Variants in MXD1 observed in about 807,000 individuals in gnomAD.
MXD1 encodes MAX dimerization protein 1, also known as MAX-binding protein.
Under a neutral mutation model 25.7 loss-of-function variants are expected in MXD1, and 9 were observed. The observed-to-expected ratio is 0.35, with a 90% CI of 0.21 to 0.61. The LOEUF (loss-of-function observed/expected upper bound fraction) is 0.61. Ranked by LOEUF, MXD1 falls within the 20% of genes least tolerant of loss-of-function variation. The pLI is 0.75. For synonymous variants in MXD1, 99 were observed against 113.9 expected, an observed-to-expected ratio of 0.87 and a Z score of 0.83; for missense variants, 227 against 292.4, an observed-to-expected ratio of 0.78 and a Z score of 1.63.
chr2:69,932,996 C>T (rs1446711080), intron 3 of MXD1, among the ~76,000 whole-genome samples: 2 of 151,902 alleles, frequency 1.3e-5, no homozygotes, highest in South Asian at 4.1e-4. Context: ...GTCAGGAGTT[C>T]GAGACCAGCC....
chr2:69,918,276 G>A (rs1225969119), intron 2 of MXD1, among the ~76,000 whole-genome samples: 1 of 152,170 alleles, frequency 6.6e-6, no homozygotes, highest in Non-Finnish European at 1.5e-5. Flanking sequence ...CTTTTTGCTT[G>A]TAGAGTCTAG....
intron 3 of MXD1, among the ~76,000 whole-genome samples, chr2:69,931,954 TGAA>T (rs991165770): frequency 1.3e-4 from 20 of 152,268 alleles, no homozygotes; most frequent in Admixed American, 3.9e-4. Flanking sequence ...GAGGGAAGAC[TGAA>T]GAAGATGTGA....
intron 3 of MXD1, among the ~76,000 whole-genome samples, chr2:69,925,831 C>T (rs575173996): frequency 6.6e-6 from 1 of 152,204 alleles, no homozygotes; most frequent in South Asian, 2.1e-4. Context: ...GTGGTGAACA[C>T]GTTTTTAGGA....
chr2:69,936,739 T>A (rs997687584), intron 4 of MXD1, among the ~76,000 whole-genome samples: 3 of 152,220 alleles, frequency 2.0e-5, no homozygotes, highest in African/African-American at 7.2e-5. Flanking sequence ...GGACTATTAT[T>A]TCCTGCTAAC....
At chr2:69,933,209 AAAAAAAAAAAAAAAAC>A (rs1367036072) in intron 3 of MXD1, among the ~76,000 whole-genome samples, 13 of 149,774 alleles carry the variant, frequency 8.7e-5, no homozygotes, top group Non-Finnish European at 1.8e-4. Context: ...TCAAAAAAAA[AAAAAAAAAAAAAAAAC>A]AAAAAAAGAA....
At chr2:69,921,399 C>G (rs1431101762) in intron 2 of MXD1, among the ~76,000 whole-genome samples, 2 of 152,212 alleles carry the variant, frequency 1.3e-5, no homozygotes, top group African/African-American at 2.4e-5. Context: ...CTACAGAAAG[C>G]TTTGTCGTAT....
At chr2:69,937,444 A>T in intron 5 of MXD1, 50 bp downstream of exon 5, 1 of 1,388,602 alleles carries the variant, frequency 7.2e-7, no homozygotes, top group Non-Finnish European at 9.5e-7. Flanking sequence ...CCCCAACCCC[A>T]GAGCAGGGGT....
chr2:69,926,621 T>G (rs1418083711), intron 3 of MXD1, among the ~76,000 whole-genome samples: 1 of 152,228 alleles, frequency 6.6e-6, no homozygotes, highest in Non-Finnish European at 1.5e-5. Flanking sequence ...GTAAAAGGTA[T>G]TCCTGGATTT....
chr2:69,936,184 T>G (rs34586537), intron 4 of MXD1, among the ~76,000 whole-genome samples: 81,762 of 151,852 alleles, frequency 0.54, 24,080 homozygotes, highest in African/African-American at 0.79. Context: ...CTAGCTCTGA[T>G]AATCCTTCGC....
At chr2:69,931,427 A>G (rs1301244325) in intron 3 of MXD1, among the ~76,000 whole-genome samples, 1 of 152,108 alleles carries the variant, frequency 6.6e-6, no homozygotes, top group Non-Finnish European at 1.5e-5. Context: ...AGAATATGCA[A>G]CGTTTGTCTT....
chr2:69,938,059 G>A (rs769261842), intron 5 of MXD1, 38 bp from the exon 6 acceptor site: 91 of 1,596,620 alleles, frequency 5.7e-5, no homozygotes, highest in Non-Finnish European at 7.0e-5. Flanking sequence ...TCTGCAGAGC[G>A]CTTTCATCAA....
At chr2:69,926,747 C>T (rs1182240399) in intron 3 of MXD1, among the ~76,000 whole-genome samples, 1 of 152,166 alleles carries the variant, frequency 6.6e-6, no homozygotes, top group Non-Finnish European at 1.5e-5. Flanking sequence ...GATAATTCTG[C>T]TATTTCTTTC....
intron 3 of MXD1, among the ~76,000 whole-genome samples, chr2:69,925,765 A>G (rs1677157798): frequency 6.6e-6 from 1 of 152,112 alleles, no homozygotes; most frequent in African/African-American, 2.4e-5. Context: ...CTGTAGAAAA[A>G]TCTCTGTCCA....
At position 69,916,101 on chromosome 2, in the gene MXD1, T is replaced by A. The variant is rs772304042; in HGVS notation, c.74-20T>A. 1.4e-6 allele frequency: 2 copies of A among 1,459,720 alleles called. No homozygotes were observed. The highest frequency in any genetic ancestry group is 1.9e-6 in the Non-Finnish European group (2 of 1,039,518). 90.4% of individuals were successfully genotyped at this position (1,459,720 alleles called of 1,614,324 possible). A position where few individuals can be genotyped will look rare whatever the true frequency, so the allele number is the denominator to read the frequency against. On this transcript the variant is annotated intron_variant, in intron 1 of 5. Transcript: ENST00000264444. ...AAATATTCTGGGCCCATTCATTAACTGGATCCTCCTGTTTTCTAGAAGCTG... is the reference window on the plus strand; with the variant it reads ...AAATATTCTGGGCCCATTCATTAACAGGATCCTCCTGTTTTCTAGAAGCTG...
At chr2:69,937,929 T>A (rs991779960) in intron 5 of MXD1, among the ~76,000 whole-genome samples, 168 bp from the exon 6 acceptor site, 2 of 152,164 alleles carry the variant, frequency 1.3e-5, no homozygotes, top group Admixed American at 6.5e-5. Context: ...TTTGTATTAG[T>A]AGAAACAGGG....
In MXD1 at chr2:69,937,284, A is replaced by G. The variant is rs777142531; in HGVS notation, c.368A>G (p.Gln123Arg). The part of the protein sequence containing the change: ...RKAVHQIDQL[Q>R]REQRHLKRQL... Reference sequence around the variant, plus strand: ...GCCGTTCACCAAATCGACCAGCTTCAGCGAGAGCAGCGACACCTGAAGAGG... The same window carrying G: ...GCCGTTCACCAAATCGACCAGCTTCGGCGAGAGCAGCGACACCTGAAGAGG... The change falls in exon 5 of 6, where the codon CAG (glutamine) becomes CGG (arginine). Residue 123 changes from glutamine (Q) to arginine (R), a missense_variant. Transcript: ENST00000264444. The G allele has an allele frequency of 5.0e-6, 8 of 1,614,228 alleles. No homozygotes were observed. The East Asian group carries it at 8.9e-5, about 18-fold the overall frequency.
chr2:69,915,352 A>G lies in MXD1; in HGVS notation c.22A>G (p.Asn8Asp). The G allele has an allele frequency of 7.7e-7, 1 of 1,301,754 alleles. No individual in the cohort carries two copies. The highest frequency in any genetic ancestry group is 2.4e-5 in the South Asian group (1 of 41,678). 80.6% of individuals were successfully genotyped at this position (1,301,754 alleles called of 1,614,324 possible). Residue 8 changes from asparagine (N) to aspartate (D), a missense_variant, in exon 1 of 6, where the codon AAC becomes GAC. By Grantham distance (23) the Asn-to-Asp change is conservative. Transcript: ENST00000264444. This position sits in a 1 kb window ranked among gnomAD's most constrained non-coding sequence, Gnocchi z 5.8. ...CAGAATGGCGGCGGCGGTTCGGATG[A>G]ACATCCAGATGCTGCTGGAGGCGGC... MAAAVRMNIQMLLEAADY... is the reference protein window; with the variant it reads MAAAVRMDIQMLLEAADY...
chr2:69,935,208 A>G, intron 3 of MXD1, 143 bp from the exon 4 acceptor site: 1 of 635,860 alleles, frequency 1.6e-6, no homozygotes, highest in Non-Finnish European at 2.8e-6. Flanking sequence ...GGTTCAAAAT[A>G]TGTTTATTCA....
chr2:69,935,078 C>T (rs1025265486), intron 3 of MXD1, among the ~76,000 whole-genome samples: 1 of 152,190 alleles, frequency 6.6e-6, no homozygotes, highest in African/African-American at 2.4e-5. Flanking sequence ...ATAGTATTTA[C>T]ACATGTGAAT....
Sources: gnomAD v4.1 joint callset for allele counts (sites outside exome capture counted in the v4.1 genomes callset) on GRCh38, gnomAD v4.1.1 for gene constraint, Gnocchi (gnomAD v3.1) non-coding constraint, MANE v1.5 for transcripts, NCBI Gene and HGNC (gene_info 2026-07-23, HGNC 2026-07-21) for gene names.